Variants in BOD1L1 observed in about 807,000 individuals in gnomAD.
BOD1L1 encodes biorientation of chromosomes in cell division 1 like 1.
In BOD1L1, 86 loss-of-function variants were observed where a neutral mutation model predicts 240.7. The observed-to-expected ratio is 0.36, with a 90% confidence interval of 0.30 to 0.43. The LOEUF is 0.43. Among genes scored for constraint, BOD1L1 ranks in the 20% least tolerant of loss-of-function variants. The pLI, the probability that BOD1L1 is intolerant of heterozygous loss-of-function variation, is 1.00. For missense variants in BOD1L1, 3,554 were observed against 3,643.5 expected (o/e 0.98, Z 0.63); for synonymous variants, 1,268 against 1,272.3 (o/e 1.00, Z 0.07).
chr4:13,611,159 A>G, intron 5 of BOD1L1, 59 bp from the exon 6 acceptor site: 2 of 1,297,690 alleles, frequency 1.5e-6, no homozygotes, highest in Non-Finnish European at 2.1e-6. Flanking sequence ...AATCAACATT[A>G]TGCTGTACAA....
At chr4:13,623,523 T>C (rs1029946745) in intron 1 of BOD1L1, 1 of 152,332 alleles carries the variant, frequency 6.6e-6, no homozygotes, top group African/African-American at 2.4e-5. Flanking sequence ...TGGTAGTCTA[T>C]AACGGAGGAG....
At chr4:13,627,259 G>A (rs1717466871) in intron 1 of BOD1L1, 86 bp downstream of exon 1, 2 of 662,532 alleles carry the variant, frequency 3.0e-6, no homozygotes, top group South Asian at 6.9e-5. Flanking sequence ...CACAGCTGCA[G>A]CTCCAAGAGG....
chr4:13,618,054 C>A (rs1170108372), intron 2 of BOD1L1, among the ~76,000 whole-genome samples: 1 of 152,164 alleles, frequency 6.6e-6, no homozygotes, highest in Non-Finnish European at 1.5e-5. Context: ...TGACCTCGCA[C>A]CAAACATGAT....
At chr4:13,595,800 G>A in intron 12 of BOD1L1, 60 bp downstream of exon 12, 1 of 1,423,350 alleles carries the variant, frequency 7.0e-7, no homozygotes, top group Non-Finnish European at 9.8e-7. Flanking sequence ...TTTTAGAAAG[G>A]TAAAACCACA....
At chr4:13,572,768 C>T (rs1248757037) in intron 25 of BOD1L1, 32 of 1,289,562 alleles carry the variant, frequency 2.5e-5, no homozygotes, top group Admixed American at 6.9e-5. Flanking sequence ...TAATTTTTGG[C>T]GATTTCTAGG....
At position 13,599,663 on chromosome 4, in the gene BOD1L1, C is replaced by T; in HGVS notation, c.7237G>A (p.Val2413Ile). 2.5e-6 allele frequency: 4 copies of T among 1,613,998 alleles called. No individual in the cohort carries two copies. The highest frequency in any genetic ancestry group is 3.4e-6 in the Non-Finnish European group (4 of 1,179,902). The change falls in exon 10 of 26, where the codon GTC becomes ATC. Residue 2413 changes from valine (V) to isoleucine (I), a missense_variant. By Grantham distance (29) the Val-to-Ile change is conservative. This residue lies in a region of BOD1L1 where 3,393 missense variants were observed against 3,427.1 expected (regional missense o/e 0.99). Transcript: ENST00000040738. ...CCTTGCCCTGCAGAGGGCTTGTGGA[C>T]TGATGGCCCGTTGTGCCCCTCCTCG... ...STEEGHNGPSVHKPSAGQGHP... is the reference protein window; with the variant it reads ...STEEGHNGPSIHKPSAGQGHP...
At chr4:13,584,120 A>G (rs1713451787) in intron 17 of BOD1L1, among the ~76,000 whole-genome samples, 1 of 152,262 alleles carries the variant, frequency 6.6e-6, no homozygotes, top group African/African-American at 2.4e-5. Context: ...TAAGATTTTT[A>G]GATAAAAGGC....
chr4:13,593,602 T>C (rs1714391212), intron 12 of BOD1L1: 1 of 152,098 alleles, frequency 6.6e-6, no homozygotes, highest in South Asian at 2.1e-4. Context: ...AACACAAGTC[T>C]TCCCTGAGGC....
rs1715204949 is a variant in BOD1L1, at chr4:13,601,816, G to C, written c.5084C>G (p.Thr1695Arg). 6.2e-7 allele frequency: 1 copy of C among 1,613,780 alleles called. No individual in the cohort carries two copies. Among genetic ancestry groups the C allele is most frequent in the African/African-American group, 1.3e-5 (1 of 74,874 alleles). ...ESDGAVTSAG[T>R]EIRAGSISSE... ...GCTTATAGATCCTGCTCTTATCTCT[G>C]TTCCAGCACTTGTAACTGCTCCATC... The change falls in exon 10 of 26, where the codon ACA (threonine) becomes AGA (arginine). Residue 1695 changes from threonine (T) to arginine (R), a missense_variant. Coordinates refer to ENST00000040738, the MANE Select transcript of BOD1L1 (RefSeq NM_148894.3).
chr4:13,595,509 C>G (rs1212877237), intron 12 of BOD1L1, among the ~76,000 whole-genome samples: 1 of 152,182 alleles, frequency 6.6e-6, no homozygotes, highest in African/African-American at 2.4e-5. Context: ...TATCCTCAGA[C>G]TAGCCTTTTG....
intron 25 of BOD1L1, chr4:13,572,588 A>C (rs967984815): frequency 3.7e-5 from 39 of 1,051,524 alleles, no homozygotes; most frequent in African/African-American, 5.0e-5. Flanking sequence ...AATGATCCCC[A>C]AAAACAGTTA....
At chr4:13,595,989 T>C (rs1714595101) in intron 11 of BOD1L1, 45 bp from the exon 12 acceptor site, 2 of 1,533,674 alleles carry the variant, frequency 1.3e-6, no homozygotes, top group Non-Finnish European at 1.8e-6. Context: ...CCAGGGTTTT[T>C]ACAAGAAGAC....
intron 1 of BOD1L1, among the ~76,000 whole-genome samples, chr4:13,622,013 C>T (rs199788603): frequency 9.2e-5 from 14 of 151,682 alleles, no homozygotes; most frequent in Non-Finnish European, 1.8e-4. Flanking sequence ...TACAGGCATG[C>T]GCCACCACAC....
At chr4:13,573,442 G>GTCTATCTA (rs1553830292) in intron 25 of BOD1L1, among the ~76,000 whole-genome samples, 5,917 of 120,764 alleles carry the variant, frequency 0.049, 267 homozygotes, top group African/African-American at 0.1. Flanking sequence ...CTGTCTGTCT[G>GTCTATCTA]TCTATCTATC....
chr4:13,589,504 C>G (rs1033903161), intron 14 of BOD1L1, among the ~76,000 whole-genome samples: 6 of 152,172 alleles, frequency 3.9e-5, no homozygotes. Context: ...TAGAACGCTG[C>G]TGAATGAGCA....
intron 17 of BOD1L1, among the ~76,000 whole-genome samples, 173 bp downstream of exon 17, chr4:13,586,223 A>AT (rs1713672956): frequency 6.6e-6 from 1 of 152,202 alleles, no homozygotes; most frequent in South Asian, 2.1e-4. Flanking sequence ...GCAACATTTG[A>AT]TTTTTGGGAG....
In BOD1L1 at chr4:13,576,840, C is replaced by T. The variant is rs759335544; in HGVS notation, c.9036G>A (p.Gln3012=). The T allele has an allele frequency of 4.6e-5, 74 of 1,613,410 alleles. No individual in the cohort carries two copies. Among genetic ancestry groups the T allele is most frequent in the Non-Finnish European group, 5.9e-5 (70 of 1,179,700 alleles). ...TTRSTTRSEA[Q]RSKTQLSPSI... ...CAGCTCTGTGCTGCCCCCATTACCTCTGAGCCTCTGATCTGGTGGTGGATC... is the reference window on the plus strand; with the variant it reads ...CAGCTCTGTGCTGCCCCCATTACCTTTGAGCCTCTGATCTGGTGGTGGATC... Residue 3012 remains glutamine (Q), a splice_region_variant and synonymous_variant, in exon 25 of 26, where the codon CAG becomes CAA. Transcript: ENST00000040738.
Position 13,607,106 on chromosome 4 carries a change from T to C in BOD1L1, c.1815+11A>G. ...AAACAGCATTTGAAATGAGGTTTTATTAAGGCATACCTCACTTGTTTTAAG... is the reference window on the plus strand; with the variant it reads ...AAACAGCATTTGAAATGAGGTTTTACTAAGGCATACCTCACTTGTTTTAAG... On this transcript the variant is annotated intron_variant, in intron 9 of 25. Coordinates refer to ENST00000040738, the MANE Select transcript of BOD1L1 (RefSeq NM_148894.3). 5.9e-6 allele frequency: 9 copies of C among 1,518,678 alleles called. No individual in the cohort carries two copies. Among genetic ancestry groups the C allele is most frequent in the Non-Finnish European group, 8.0e-6 (9 of 1,121,910 alleles). 94.1% of individuals were successfully genotyped at this position (1,518,678 alleles called of 1,614,324 possible).
intron 18 of BOD1L1, 140 bp from the exon 19 acceptor site, chr4:13,582,450 C>G: frequency 1.3e-6 from 1 of 750,660 alleles, no homozygotes. Flanking sequence ...ATTAACAAGC[C>G]TGAGTTTGGG....
Sources: allele counts gnomAD v4.1 joint callset (sites outside exome capture counted in the v4.1 genomes callset), GRCh38; gene constraint gnomAD v4.1.1; regional missense constraint gnomAD v4.1.1; transcripts MANE v1.5; gene names NCBI Gene and HGNC (gene_info 2026-07-23, HGNC 2026-07-21).